Variants in URI1 observed in about 807,000 individuals in gnomAD.
URI1 encodes the protein URI1 prefoldin like chaperone, also known as unconventional prefoldin RPB5 interactor 1.
Under a neutral mutation model 60.2 loss-of-function variants are expected in URI1, and 39 were observed. The observed-to-expected ratio is 0.65, with a 90% confidence interval of 0.50 to 0.85. URI1 has a LOEUF of 0.85. Among genes scored for constraint, URI1 ranks in the 40% least tolerant of loss-of-function variants. URI1 has a pLI of 0.00. For synonymous variants in URI1, 251 were observed against 236.8 expected (o/e 1.06, Z -0.55); for missense variants, 691 against 665.9 (o/e 1.04, Z -0.42).
At chr19:29,994,442 C>A (rs372134038) in intron 4 of URI1, among the ~76,000 whole-genome samples, 45 of 152,150 alleles carry the variant, frequency 3.0e-4, no homozygotes, top group African/African-American at 9.6e-4. Flanking sequence ...TTCCTCCCCC[C>A]ATCCCCTGGT....
chr19:29,974,196 TAGTGAAG>T (rs1220396545), intron 2 of URI1, among the ~76,000 whole-genome samples: 2 of 152,122 alleles, frequency 1.3e-5, no homozygotes, highest in Non-Finnish European at 2.9e-5. Context: ...CACAGGGTTG[TAGTGAAG>T]ATCAAATGAG....
intron 2 of URI1, among the ~76,000 whole-genome samples, chr19:29,976,539 C>G (rs1259558304): frequency 6.6e-6 from 1 of 152,190 alleles, no homozygotes; most frequent in African/African-American, 2.4e-5. Flanking sequence ...CGCAGATTCA[C>G]AAGGTGGGAA....
At chr19:29,996,513 T>G (rs1026580813) in intron 4 of URI1, among the ~76,000 whole-genome samples, 40 of 151,978 alleles carry the variant, frequency 2.6e-4, no homozygotes, top group African/African-American at 9.4e-4. Flanking sequence ...TCTTTAGGGT[T>G]TTCTGCATAT....
chr19:29,994,707 T>A (rs1170369097), intron 4 of URI1, among the ~76,000 whole-genome samples: 1 of 152,186 alleles, frequency 6.6e-6, no homozygotes, highest in Non-Finnish European at 1.5e-5. Context: ...AAATATTTAT[T>A]TAGTTCCCTG....
At chr19:29,985,386 A>ACAT in intron 3 of URI1, 85 bp downstream of exon 3, 1 of 1,168,162 alleles carries the variant, frequency 8.6e-7, no homozygotes, top group Non-Finnish European at 1.3e-6. Context: ...TGTCAGGCTG[A>ACAT]TGGACTGTGT....
Position 30,009,288 on chromosome 19 carries a change from G to C in URI1, c.970G>C (p.Ala324Pro), listed in dbSNP as rs151025990. The change falls in exon 8 of 11, where the codon GCT (alanine) becomes CCT (proline). Residue 324 changes from alanine to proline, a missense_variant. Coordinates refer to ENST00000392271, the MANE Select transcript of URI1 (RefSeq NM_003796.3). ...DDDDGDNDHE[A>P]LGVGDNSIPT... The stretch of plus-strand genomic sequence containing the variant: ...CGATGATGGTGATAACGACCATGAG[G>C]CTTTAGGGGTTGGAGATAATTCTAT... The C allele has an allele frequency of 8.9e-5, 143 of 1,614,026 alleles. No individual in the cohort carries two copies. In the African/African-American group the frequency reaches 1.8e-3, roughly 20 times the overall value.
chr19:29,956,465 A>G (rs548520315), intron 1 of URI1: 12 of 1,590,236 alleles, frequency 7.5e-6, no homozygotes, highest in Non-Finnish European at 9.4e-6. Context: ...ATACCATCCA[A>G]AAATTTCCTG....
At chr19:29,974,745 A>C (rs1449288209) in intron 2 of URI1, among the ~76,000 whole-genome samples, 1 of 152,018 alleles carries the variant, frequency 6.6e-6, no homozygotes, top group Non-Finnish European at 1.5e-5. Context: ...GCCCTTTCTC[A>C]CCGCTCTTGT....
At chr19:29,988,904 T>C (rs1274138856) in intron 4 of URI1, among the ~76,000 whole-genome samples, 2 of 152,158 alleles carry the variant, frequency 1.3e-5, no homozygotes, top group Admixed American at 6.5e-5. Flanking sequence ...CTTTCAGCAG[T>C]GTGTGATAGT....
chr19:29,972,024 A>G (rs555123517), intron 2 of URI1, among the ~76,000 whole-genome samples: 1 of 152,208 alleles, frequency 6.6e-6, no homozygotes, highest in Admixed American at 6.5e-5. Flanking sequence ...CAAGCATATA[A>G]TATTTTAAAT....
intron 4 of URI1, among the ~76,000 whole-genome samples, chr19:30,001,529 A>G (rs901599365): frequency 2.0e-5 from 3 of 151,812 alleles, no homozygotes; most frequent in Non-Finnish European, 4.4e-5. Flanking sequence ...TAAGCTGTGA[A>G]TCTTTTGTTT....
intron 4 of URI1, among the ~76,000 whole-genome samples, chr19:29,992,553 A>G (rs904427157): frequency 3.9e-5 from 6 of 152,096 alleles, no homozygotes; most frequent in Non-Finnish European, 7.4e-5. Context: ...ATTATTTAAT[A>G]TTTTTAGTAT....
At chr19:29,986,665 A>T (rs1338572903) in intron 4 of URI1, among the ~76,000 whole-genome samples, 1 of 152,190 alleles carries the variant, frequency 6.6e-6, no homozygotes, top group Non-Finnish European at 1.5e-5. Context: ...TTTCAAAGTC[A>T]TTATGTGATT....
At chr19:29,975,573 G>T (rs564026263) in intron 2 of URI1, among the ~76,000 whole-genome samples, 69 of 149,362 alleles carry the variant, frequency 4.6e-4, no homozygotes, top group South Asian at 1.5e-3. Context: ...GCATGGTTTC[G>T]GCTCACTGCA....
chr19:29,949,743 A>G (rs898124459), intron 1 of URI1, among the ~76,000 whole-genome samples: 4 of 152,190 alleles, frequency 2.6e-5, no homozygotes, highest in African/African-American at 9.7e-5. Flanking sequence ...CCCTGTCTCC[A>G]CCAAAAAAAT....
chr19:30,007,430 T>C, intron 6 of URI1, 40 bp from the exon 7 acceptor site: 3 of 1,598,306 alleles, frequency 1.9e-6, no homozygotes, highest in Non-Finnish European at 2.6e-6. Context: ...CTTTTTTATG[T>C]TGGCTATTAA....
chr19:29,985,174 A>G (rs966937698), intron 2 of URI1, 49 bp from the exon 3 acceptor site: 56 of 288,346 alleles, frequency 1.9e-4, no homozygotes, highest in East Asian at 6.0e-4. Context: ...AAAAAAAAAA[A>G]AAAGAAAAAT....
chr19:29,958,390 C>A (rs1448378201), intron 1 of URI1, among the ~76,000 whole-genome samples: 2 of 152,234 alleles, frequency 1.3e-5, no homozygotes, highest in Non-Finnish European at 2.9e-5. Context: ...AAAATAAGGA[C>A]ATTTTCTCCT....
At chr19:29,946,184 A>C (rs2055101028) in intron 1 of URI1, among the ~76,000 whole-genome samples, 1 of 152,186 alleles carries the variant, frequency 6.6e-6, no homozygotes, top group African/African-American at 2.4e-5. Flanking sequence ...ACAGCAGTAA[A>C]ATATTTGTTG....
Sources: gnomAD v4.1 joint callset for allele counts (sites outside exome capture counted in the v4.1 genomes callset) on GRCh38, gnomAD v4.1.1 for gene constraint, MANE v1.5 for transcripts, NCBI Gene and HGNC (gene_info 2026-07-23, HGNC 2026-07-21) for gene names.